The following AGBL4 variants were observed in gnomAD, a reference collection of about 807,000 sequenced individuals.
AGBL4 encodes AGBL carboxypeptidase 4.
In AGBL4, 58 loss-of-function variants were observed where a neutral mutation model predicts 66.4. That is an observed-to-expected ratio of 0.87 (90% CI 0.71 to 1.09). The LOEUF (loss-of-function observed/expected upper bound fraction) is 1.09, where lower values mean the gene tolerates loss of function less well. AGBL4 is among the 50% of genes least tolerant of loss of function. AGBL4 has a pLI of 0.00. For synonymous variants in AGBL4, 234 were observed against 222.9 expected (o/e 1.05, Z -0.44); for missense variants, 579 against 631.0 (o/e 0.92, Z 0.88).
At position 48,549,100 on chromosome 1, in the gene AGBL4, A is replaced by G. The variant is rs181852872; in HGVS notation, c.1268-9362T>C. On this transcript the variant is annotated intron_variant, in intron 11 of 13. Coordinates refer to ENST00000371839, the MANE Select transcript of AGBL4 (RefSeq NM_032785.4). ...CACCTAGAATTCATTTTCTGCTCAT[A>G]CTCCTGCCCCTCCCAGCAACAGATG... 2.0e-3 allele frequency among the ~76,000 whole-genome samples: 306 copies of G among 151,858 alleles called. 1 individual carries two copies. Among genetic ancestry groups the G allele is most frequent in the African/African-American group, 7.1e-3 (295 of 41,382 alleles).
intron 1 of AGBL4, among the ~76,000 whole-genome samples, chr1:50,007,643 T>G (rs1006655113): frequency 6.6e-6 from 1 of 152,124 alleles, no homozygotes; most frequent in African/African-American, 2.4e-5. Flanking sequence ...AGCACATGCC[T>G]GTAATCCCAG....
intron 3 of AGBL4, among the ~76,000 whole-genome samples, chr1:49,543,192 C>T (rs2148826584): frequency 6.6e-6 from 1 of 152,202 alleles, no homozygotes; most frequent in East Asian, 1.9e-4. Context: ...CTTGCCAAGT[C>T]AACTCTGATC....
Position 49,505,325 on chromosome 1 carries a change from T to C in AGBL4, c.282+191988A>G, listed in dbSNP as rs369464058. On this transcript the variant is annotated intron_variant, in intron 3 of 13. Coordinates refer to ENST00000371839, the MANE Select transcript of AGBL4 (RefSeq NM_032785.4). ...TTGTGAAGTTACTTTAACCAGTGAGTTTTATATTCTCATATGTTTTTGTGT... is the reference window on the plus strand; with the variant it reads ...TTGTGAAGTTACTTTAACCAGTGAGCTTTATATTCTCATATGTTTTTGTGT... 3.4e-4 allele frequency among the ~76,000 whole-genome samples: 51 copies of C among 152,132 alleles called. 1 individual carries two copies. The South Asian group carries it at 9.7e-3, about 29-fold the overall frequency.
intron 1 of AGBL4, among the ~76,000 whole-genome samples, chr1:49,921,554 A>T (rs922519439): frequency 6.6e-6 from 1 of 152,142 alleles, no homozygotes; most frequent in Admixed American, 6.5e-5. Flanking sequence ...GCTGAAGAAG[A>T]AAAAAGCCAG....
At chr1:48,658,281 T>C (rs981879055) in intron 7 of AGBL4, among the ~76,000 whole-genome samples, 4 of 152,242 alleles carry the variant, frequency 2.6e-5, no homozygotes, top group Non-Finnish European at 5.9e-5. Flanking sequence ...AATTTGCATA[T>C]GCCTGCATGA....
At chr1:49,175,277 T>G (rs1476026367) in intron 4 of AGBL4, among the ~76,000 whole-genome samples, 1 of 152,058 alleles carries the variant, frequency 6.6e-6, no homozygotes, top group Non-Finnish European at 1.5e-5. Context: ...ATTGAAAGGA[T>G]ATTAGGATCA....
intron 2 of AGBL4, among the ~76,000 whole-genome samples, chr1:49,760,184 T>G (rs1652199094): frequency 6.6e-6 from 1 of 152,228 alleles, no homozygotes; most frequent in Non-Finnish European, 1.5e-5. Flanking sequence ...CCTTGTAAAT[T>G]CTGGATATTA....
Position 48,535,942 on chromosome 1 carries a change from T to C in AGBL4, c.1365-1026A>G, listed in dbSNP as rs1643964099. Reference sequence around the variant, plus strand: ...TTAGAATTTAATCTATGCTAGGCCCTGCACCATGCACTAAGGATACAGAAG... The same window carrying C: ...TTAGAATTTAATCTATGCTAGGCCCCGCACCATGCACTAAGGATACAGAAG... On this transcript the variant is annotated intron_variant, in intron 12 of 13. Transcript: ENST00000371839. Among the ~76,000 whole-genome samples, 3 of 152,228 alleles carry C rather than the reference T, an allele frequency of 2.0e-5. No homozygotes were observed. The South Asian group carries it at 6.2e-4, about 32-fold the overall frequency.
At chr1:49,204,858 C>G (rs1648005618) in intron 4 of AGBL4, among the ~76,000 whole-genome samples, 1 of 152,092 alleles carries the variant, frequency 6.6e-6, no homozygotes, top group African/African-American at 2.4e-5. Flanking sequence ...GATGTGAGCA[C>G]TCATCACCAA....
At chr1:49,550,668 C>T (rs763331544) in intron 3 of AGBL4, among the ~76,000 whole-genome samples, 4 of 152,172 alleles carry the variant, frequency 2.6e-5, no homozygotes, top group Non-Finnish European at 5.9e-5. Flanking sequence ...GCTGAGAAGC[C>T]TGCTGTTAAT....
At chr1:49,780,369 A>G (rs1303925443) in intron 2 of AGBL4, among the ~76,000 whole-genome samples, 1 of 152,188 alleles carries the variant, frequency 6.6e-6, no homozygotes, top group African/African-American at 2.4e-5. Flanking sequence ...GCTGTACTGG[A>G]AAAGAAAATG....
At chr1:49,478,330 A>C (rs1646886259) in intron 3 of AGBL4, among the ~76,000 whole-genome samples, 1 of 152,022 alleles carries the variant, frequency 6.6e-6, no homozygotes, top group Non-Finnish European at 1.5e-5. Context: ...AAGAAGAAGA[A>C]GGAGAAGAAA....
intron 6 of AGBL4, among the ~76,000 whole-genome samples, chr1:48,668,603 G>C (rs1646227600): frequency 6.6e-6 from 1 of 152,110 alleles, no homozygotes; most frequent in African/African-American, 2.4e-5. Flanking sequence ...CCCCATCTTG[G>C]CCGTCTGGCT....
rs571274009 is a variant in AGBL4, at chr1:48,724,466, A to G, written c.635-61225T>C. Among the ~76,000 whole-genome samples the G allele has an allele frequency of 2.0e-5, 3 of 152,282 alleles. No individual in the cohort carries two copies. The East Asian group carries it at 5.8e-4, about 29-fold the overall frequency. On this transcript the variant is annotated intron_variant, in intron 6 of 13. Coordinates refer to ENST00000371839, the MANE Select transcript of AGBL4 (RefSeq NM_032785.4). ...GGCAGCTGACCAGGTGGTTTACTCA[A>G]TTGCAGCTTTATGTTGGTCCACTTT...
At chr1:49,619,113 G>C (rs964240294) in intron 3 of AGBL4, among the ~76,000 whole-genome samples, 2 of 152,088 alleles carry the variant, frequency 1.3e-5, no homozygotes, top group African/African-American at 2.4e-5. Context: ...TGGAAGTTCT[G>C]GTCAGGGCAA....
chr1:49,455,372 G>A (rs1387959946), intron 3 of AGBL4, among the ~76,000 whole-genome samples: 2 of 151,676 alleles, frequency 1.3e-5, no homozygotes, highest in African/African-American at 4.8e-5. Flanking sequence ...CGGTTAAAAT[G>A]AAGTGGCATT....
At chr1:49,964,016 G>C (rs1426450700) in intron 1 of AGBL4, among the ~76,000 whole-genome samples, 1 of 151,976 alleles carries the variant, frequency 6.6e-6, no homozygotes, top group Non-Finnish European at 1.5e-5. Context: ...AAGAAATATT[G>C]AATTAAAGAA....
At chr1:48,838,530 A>G (rs950573470) in intron 6 of AGBL4, among the ~76,000 whole-genome samples, 1 of 152,174 alleles carries the variant, frequency 6.6e-6, no homozygotes, top group Non-Finnish European at 1.5e-5. Flanking sequence ...ATATATAAAA[A>G]TCAAATAAAA....
At chr1:48,906,003 G>C (rs1652556534) in intron 5 of AGBL4, among the ~76,000 whole-genome samples, 1 of 152,154 alleles carries the variant, frequency 6.6e-6, no homozygotes, top group East Asian at 1.9e-4. Context: ...GAAGGAAACA[G>C]ACAATAACTA....
Sources: gnomAD v4.1 joint callset for allele counts (sites outside exome capture counted in the v4.1 genomes callset) on GRCh38, gnomAD v4.1.1 for gene constraint, MANE v1.5 for transcripts, NCBI Gene and HGNC (gene_info 2026-07-23, HGNC 2026-07-21) for gene names.